Variants in LINGO2 observed in about 807,000 individuals in gnomAD.
The protein encoded by LINGO2 is leucine rich repeat and Ig domain containing 2.
LINGO2 carries 14 observed loss-of-function variants against 30.6 expected under a neutral mutation model. That is an observed-to-expected ratio of 0.46 (90% CI 0.30 to 0.72). LINGO2 has a LOEUF of 0.72. Ranked by LOEUF, LINGO2 falls within the 30% of genes least tolerant of loss-of-function variation. The pLI is 0.07. For missense variants in LINGO2, 729 were observed against 751.7 expected (o/e 0.97, Z 0.35); for synonymous variants, 317 against 288.5 (o/e 1.10, Z -1.00).
intron 1 of LINGO2, among the ~76,000 whole-genome samples, chr9:28,489,708 C>T (rs1048333434): frequency 1.3e-5 from 2 of 151,448 alleles, no homozygotes; most frequent in African/African-American, 4.8e-5. Flanking sequence ...ACCATCCTGG[C>T]CAACATGGGA....
the LINGO2 span, among the ~76,000 whole-genome samples, chr9:29,141,580 T>TA: frequency 1.3e-5 from 2 of 151,826 alleles, no homozygotes; most frequent in East Asian, 3.8e-4. Flanking sequence ...AAATTGATTT[T>TA]AAAATCCAAT....
At chr9:28,938,760 A>G in the LINGO2 span, among the ~76,000 whole-genome samples, 1 of 152,212 alleles carries the variant, frequency 6.6e-6, no homozygotes, top group African/African-American at 2.4e-5. Flanking sequence ...TGATGTTTGC[A>G]CAATGATGAA....
downstream of LINGO2, among the ~76,000 whole-genome samples, chr9:27,944,845 A>G (rs977039294): frequency 5.3e-5 from 8 of 152,164 alleles, no homozygotes; most frequent in African/African-American, 1.9e-4. Context: ...TGTGAGATAT[A>G]GGTGACTGGG....
At chr9:29,046,075 C>T in the LINGO2 span, among the ~76,000 whole-genome samples, 3 of 152,144 alleles carry the variant, frequency 2.0e-5, no homozygotes, top group Non-Finnish European at 4.4e-5. Context: ...ATCATGTCAT[C>T]TGCAAACAGA....
chr9:28,903,748 G>A, the LINGO2 span, among the ~76,000 whole-genome samples: 38 of 152,102 alleles, frequency 2.5e-4, no homozygotes, highest in African/African-American at 8.9e-4. Flanking sequence ...CAGAGCACTG[G>A]GATTACAGAT....
intron 1 of LINGO2, among the ~76,000 whole-genome samples, chr9:28,531,838 G>A (rs1821248380): frequency 1.3e-5 from 2 of 152,046 alleles, no homozygotes. Context: ...TTTTGTGTGT[G>A]AAAATTCTGG....
intron 4 of LINGO2, among the ~76,000 whole-genome samples, chr9:28,166,475 T>C (rs1587123394): frequency 6.6e-6 from 1 of 152,190 alleles, no homozygotes; most frequent in South Asian, 2.1e-4. Context: ...GGATGATCTT[T>C]TTGTTTAGTG....
intron 4 of LINGO2, among the ~76,000 whole-genome samples, chr9:28,036,119 G>C (rs1823923039): frequency 6.6e-6 from 1 of 152,094 alleles, no homozygotes; most frequent in Non-Finnish European, 1.5e-5. Flanking sequence ...TTTTCTACTG[G>C]TGAGGCAGTA....
chr9:28,725,533 T>A, the LINGO2 span, among the ~76,000 whole-genome samples: 1 of 143,772 alleles, frequency 7.0e-6, no homozygotes, highest in Non-Finnish European at 1.5e-5. Flanking sequence ...ATAGGTTATC[T>A]CAAAGATAAA....
the LINGO2 span, among the ~76,000 whole-genome samples, chr9:28,739,939 T>C: frequency 3.9e-5 from 5 of 127,984 alleles, no homozygotes; most frequent in South Asian, 1.3e-3. Context: ...TATATGTGTG[T>C]ATATATATAT....
At chr9:28,479,912 T>TAG (rs1825880790) in intron 1 of LINGO2, among the ~76,000 whole-genome samples, 7 of 12,748 alleles carry the variant, frequency 5.5e-4, no homozygotes, top group African/African-American at 1.7e-3. Context: ...TATACGTAGG[T>TAG]ATATATATAT....
chr9:28,709,052 G>T, the LINGO2 span, among the ~76,000 whole-genome samples: 1 of 151,896 alleles, frequency 6.6e-6, no homozygotes, highest in Non-Finnish European at 1.5e-5. Flanking sequence ...TGTCCTCAAG[G>T]GTTCTAACAC....
intron 1 of LINGO2, among the ~76,000 whole-genome samples, chr9:28,639,690 C>T (rs1420014898): frequency 1.3e-5 from 2 of 152,130 alleles, no homozygotes; most frequent in African/African-American, 2.4e-5. Flanking sequence ...TTCCTCCATC[C>T]CTTTATTTTG....
intron 5 of LINGO2, among the ~76,000 whole-genome samples, chr9:27,996,624 T>C (rs1255923873): frequency 6.6e-6 from 1 of 151,144 alleles, no homozygotes; most frequent in Non-Finnish European, 1.5e-5. Context: ...GAAGAGGAGA[T>C]TTAAAAAAAG....
At chr9:28,785,956 G>A in the LINGO2 span, among the ~76,000 whole-genome samples, 7 of 152,182 alleles carry the variant, frequency 4.6e-5, no homozygotes, top group South Asian at 1.5e-3. Flanking sequence ...AACTACGTAC[G>A]ACCTTCTGTA....
intron 2 of LINGO2, among the ~76,000 whole-genome samples, chr9:28,424,238 C>T (rs956674917): frequency 6.6e-6 from 1 of 152,138 alleles, no homozygotes; most frequent in African/African-American, 2.4e-5. Flanking sequence ...GGTTTTTCAG[C>T]TCACTTTGTG....
intron 5 of LINGO2, among the ~76,000 whole-genome samples, chr9:27,977,454 A>G (rs1820653284): frequency 6.6e-6 from 1 of 151,928 alleles, no homozygotes; most frequent in African/African-American, 2.4e-5. Context: ...TCAAAAGAAA[A>G]TTACCTTTTG....
intron 1 of LINGO2, among the ~76,000 whole-genome samples, chr9:28,535,336 G>A (rs1821390393): frequency 6.6e-6 from 1 of 151,852 alleles, no homozygotes; most frequent in South Asian, 2.1e-4. Context: ...ACTTTTGCAG[G>A]GATCATGAAT....
chr9:29,124,293 T>C, the LINGO2 span, among the ~76,000 whole-genome samples: 1 of 152,172 alleles, frequency 6.6e-6, no homozygotes, highest in South Asian at 2.1e-4. Context: ...ACATAAAATC[T>C]AAAACTATAA....
Sources: gnomAD v4.1 joint callset for allele counts (sites outside exome capture counted in the v4.1 genomes callset) on GRCh38, gnomAD v4.1.1 for gene constraint, MANE v1.5 for transcripts, NCBI Gene and HGNC (gene_info 2026-07-23, HGNC 2026-07-21) for gene names.